GRID2: variants seen among roughly 807,000 people sequenced by gnomAD.
The protein encoded by GRID2 is glutamate receptor ionotropic, delta-2.
Under a neutral mutation model 114.8 loss-of-function variants are expected in GRID2, and 33 were observed. The ratio of observed to expected loss-of-function variants is 0.29; its 90% confidence interval spans 0.22 to 0.38. The LOEUF is 0.38. Ranked by LOEUF, GRID2 falls within the 10% of genes least tolerant of loss-of-function variation. The pLI is 1.00. For synonymous variants in GRID2, 505 were observed against 449.9 expected, an observed-to-expected ratio of 1.12 and a Z score of -1.55; for missense variants, 1,184 against 1,257.7, an observed-to-expected ratio of 0.94 and a Z score of 0.89.
At chr4:93,582,377 C>A (rs1015290577) in intron 13 of GRID2, among the ~76,000 whole-genome samples, 1 of 152,172 alleles carries the variant, frequency 6.6e-6, no homozygotes, top group Non-Finnish European at 1.5e-5. Context: ...TGAAAATTCT[C>A]ACCCTAATCA....
At chr4:93,305,909 G>A (rs976158378) in intron 8 of GRID2, among the ~76,000 whole-genome samples, 1 of 151,986 alleles carries the variant, frequency 6.6e-6, no homozygotes, top group African/African-American at 2.4e-5. Flanking sequence ...ACAAGTTAAC[G>A]ATCTATGTGA....
chr4:93,225,952 G>T (rs958772365), intron 7 of GRID2, among the ~76,000 whole-genome samples: 1 of 152,142 alleles, frequency 6.6e-6, no homozygotes, highest in Non-Finnish European at 1.5e-5. Flanking sequence ...GAGCGAAAAA[G>T]GGGGCCAAGA....
At chr4:92,581,667 CTG>C (rs1728191733) in intron 1 of GRID2, among the ~76,000 whole-genome samples, 2 of 152,104 alleles carry the variant, frequency 1.3e-5, no homozygotes, top group African/African-American at 4.8e-5. Context: ...ACATAAATCT[CTG>C]GAGAAATCTC....
chr4:93,542,744 G>T (rs920385097), intron 13 of GRID2, among the ~76,000 whole-genome samples: 25 of 152,204 alleles, frequency 1.6e-4, no homozygotes, highest in African/African-American at 5.8e-4. Flanking sequence ...CCCAGCCTCT[G>T]CCTTCTTATT....
intron 1 of GRID2, among the ~76,000 whole-genome samples, chr4:92,389,603 GA>G (rs2110257382): frequency 6.6e-6 from 1 of 152,106 alleles, no homozygotes; most frequent in South Asian, 2.1e-4. Context: ...TTTATCACTG[GA>G]ATTTCCTTCC....
chr4:92,647,448 T>C (rs1161735784), intron 2 of GRID2, among the ~76,000 whole-genome samples: 1 of 149,512 alleles, frequency 6.7e-6, no homozygotes, highest in African/African-American at 2.5e-5. Flanking sequence ...CATAGGACAA[T>C]GAATTGTTGC....
At chr4:92,706,114 C>T (rs898495982) in intron 2 of GRID2, among the ~76,000 whole-genome samples, 1 of 152,028 alleles carries the variant, frequency 6.6e-6, no homozygotes, top group Non-Finnish European at 1.5e-5. Context: ...CAGACCAAAA[C>T]CTAAGAAAAA....
In GRID2 at chr4:92,677,633, A is replaced by G. The variant is rs1412636315; in HGVS notation, c.244+87347A>G. Among the ~76,000 whole-genome samples the G allele has an allele frequency of 6.6e-5, 10 of 152,296 alleles. No homozygotes were observed. The East Asian group carries it at 1.9e-3, about 29-fold the overall frequency. Reference sequence around the variant, plus strand: ...TTCCGTCTCAGTGGGTGACAACTCCATCATTCTGATTGATCATGCCAAAAT... The same window carrying G: ...TTCCGTCTCAGTGGGTGACAACTCCGTCATTCTGATTGATCATGCCAAAAT... On this transcript the variant is annotated intron_variant, in intron 2 of 15. Coordinates refer to ENST00000282020, the MANE Select transcript of GRID2 (RefSeq NM_001510.4).
chr4:93,047,413 C>T (rs948889979), intron 2 of GRID2, among the ~76,000 whole-genome samples: 1 of 152,102 alleles, frequency 6.6e-6, no homozygotes. Context: ...CAGAAACTGA[C>T]TATAGGATAT....
At chr4:93,169,940 T>C (rs1267080314) in intron 4 of GRID2, among the ~76,000 whole-genome samples, 1 of 152,190 alleles carries the variant, frequency 6.6e-6, no homozygotes, top group African/African-American at 2.4e-5. Context: ...TTCATCATAT[T>C]CAAGTATGTT....
chr4:93,433,943 A>T (rs1454898310), intron 10 of GRID2, among the ~76,000 whole-genome samples: 1 of 152,144 alleles, frequency 6.6e-6, no homozygotes, highest in Non-Finnish European at 1.5e-5. Flanking sequence ...TGTGTTCTTG[A>T]TATTCAACCT....
At chr4:93,000,860 G>A (rs1458552276) in intron 2 of GRID2, among the ~76,000 whole-genome samples, 1 of 151,502 alleles carries the variant, frequency 6.6e-6, no homozygotes, top group Non-Finnish European at 1.5e-5. Flanking sequence ...TGGATGCTAA[G>A]TTCACTATTT....
chr4:93,027,817 G>C (rs965421110), intron 2 of GRID2, among the ~76,000 whole-genome samples: 1 of 151,844 alleles, frequency 6.6e-6, no homozygotes, highest in African/African-American at 2.4e-5. Flanking sequence ...TCCATGGCAG[G>C]TTGTTAATAT....
intron 2 of GRID2, among the ~76,000 whole-genome samples, chr4:92,912,360 G>A: frequency 6.6e-6 from 1 of 151,772 alleles, no homozygotes; most frequent in Middle Eastern, 3.4e-3. Context: ...GAGACACTAA[G>A]GTATTACATT....
chr4:92,922,942 T>C (rs1371384716), intron 2 of GRID2, among the ~76,000 whole-genome samples: 9 of 152,208 alleles, frequency 5.9e-5, no homozygotes, highest in Non-Finnish European at 1.3e-4. Context: ...CGCTGAAATA[T>C]TCTGCTGTTT....
At chr4:93,426,531 TTTTAA>T (rs1325720475) in intron 10 of GRID2, among the ~76,000 whole-genome samples, 11 of 152,140 alleles carry the variant, frequency 7.2e-5, no homozygotes, top group African/African-American at 2.4e-4. Context: ...TTGATGTTGT[TTTTAA>T]TTTGTTTTAT....
chr4:92,812,894 T>C (rs566829056), intron 2 of GRID2, among the ~76,000 whole-genome samples: 2 of 152,110 alleles, frequency 1.3e-5, no homozygotes, highest in South Asian at 2.1e-4. Flanking sequence ...CACTCAGAGC[T>C]TAACAAAATG....
chr4:93,360,204 G>T (rs1035146820), intron 8 of GRID2, among the ~76,000 whole-genome samples: 7 of 151,510 alleles, frequency 4.6e-5, no homozygotes, highest in African/African-American at 1.7e-4. Context: ...TGTTTTAAAA[G>T]AATCCGTTCT....
At chr4:92,891,652 A>C (rs1746792596) in intron 2 of GRID2, among the ~76,000 whole-genome samples, 1 of 152,184 alleles carries the variant, frequency 6.6e-6, no homozygotes, top group African/African-American at 2.4e-5. Flanking sequence ...GGAAGACGTA[A>C]AATTTTCCTA....
Sources: gnomAD v4.1 joint callset for allele counts (sites outside exome capture counted in the v4.1 genomes callset) on GRCh38, gnomAD v4.1.1 for gene constraint, MANE v1.5 for transcripts, NCBI Gene and HGNC (gene_info 2026-07-23, HGNC 2026-07-21) for gene names.